The following AFDN variants were observed in gnomAD, a reference collection of about 807,000 sequenced individuals.
AFDN encodes afadin, adherens junction formation factor.
AFDN carries 68 observed loss-of-function variants against 216.6 expected under a neutral mutation model. That is an observed-to-expected ratio of 0.31 (90% confidence interval 0.26 to 0.38). The LOEUF (loss-of-function observed/expected upper bound fraction) is 0.38. Among genes scored for constraint, AFDN ranks in the 10% least tolerant of loss-of-function variants. The probability of loss-of-function intolerance (pLI) is 1.00; values close to 1 mark genes in which losing one functional copy is unlikely to be tolerated. For missense variants in AFDN, 2,136 were observed against 2,342.0 expected (o/e 0.91, Z 1.82); for synonymous variants, 868 against 853.7 (o/e 1.02, Z -0.29).
chr6:167,887,629 G>C (rs1787031640), intron 6 of AFDN, among the ~76,000 whole-genome samples: 1 of 151,690 alleles, frequency 6.6e-6, no homozygotes, highest in African/African-American at 2.4e-5. Context: ...CTAATTTTTT[G>C]TATTTTTTAG....
chr6:167,907,155 C>T lies in AFDN; in HGVS notation c.1651-16C>T, dbSNP rs766019497. 1.9e-6 allele frequency: 3 copies of T among 1,604,704 alleles called. No homozygotes were observed. Among genetic ancestry groups the T allele is most frequent in the Non-Finnish European group, 2.6e-6 (3 of 1,172,254 alleles). On this transcript the variant is annotated splice_polypyrimidine_tract_variant and intron_variant, in intron 12 of 33. Transcript: ENST00000683244. ...TGTGTGAGGTTCTAAACCCGTTGTGCTTTCTCTCCATGTAGAGCACCACTA... is the reference window on the plus strand; with the variant it reads ...TGTGTGAGGTTCTAAACCCGTTGTGTTTTCTCTCCATGTAGAGCACCACTA...
intron 6 of AFDN, among the ~76,000 whole-genome samples, chr6:167,884,990 T>G (rs1450698252): frequency 6.6e-6 from 1 of 152,216 alleles, no homozygotes. Context: ...TTGCTGCAGC[T>G]TCTCCATTAG....
intron 11 of AFDN, among the ~76,000 whole-genome samples, chr6:167,899,712 A>G (rs1045153255): frequency 6.6e-6 from 1 of 152,170 alleles, no homozygotes; most frequent in African/African-American, 2.4e-5. Flanking sequence ...GGTTTGTCCA[A>G]AGAGATTATG....
chr6:167,939,662 C>T (rs557491836), intron 23 of AFDN, among the ~76,000 whole-genome samples: 1 of 152,158 alleles, frequency 6.6e-6, no homozygotes, highest in Admixed American at 6.5e-5. Flanking sequence ...GTCGTTTAAA[C>T]AGCCAAGTTG....
At chr6:167,934,308 C>T (rs994894258) in intron 23 of AFDN, among the ~76,000 whole-genome samples, 3 of 152,170 alleles carry the variant, frequency 2.0e-5, no homozygotes, top group African/African-American at 7.2e-5. Flanking sequence ...TTACCTTGCT[C>T]ACAGCACCAA....
rs184896513 is a variant in AFDN at position 167,969,995 on chromosome 6, G to T, written c.*60G>T. ...AAATCTTTTCAGTTGTGGGTTTGTA[G>T]GTGCGAGTTTGAAGAGGAAAAGAGG... is the stretch of plus-strand genomic sequence containing the variant. On this transcript the variant is annotated 3_prime_UTR_variant, in exon 34 of 34. Coordinates refer to ENST00000683244, the MANE Select transcript of AFDN (RefSeq NM_001386888.1). 63 of 1,425,526 alleles carry T rather than the reference G, an allele frequency of 4.4e-5. No homozygotes were observed. The African/African-American group carries it at 7.3e-4, about 17-fold the overall frequency. 88.3% of individuals were successfully genotyped at this position (1,425,526 alleles called of 1,614,324 possible).
At chr6:167,949,385 GC>G (rs551269017) in intron 29 of AFDN, among the ~76,000 whole-genome samples, 332 of 152,336 alleles carry the variant, frequency 2.2e-3, no homozygotes, top group African/African-American at 7.7e-3. Flanking sequence ...ACAGTAGGCA[GC>G]GGAGAGAGGA....
In AFDN at chr6:167,911,435, T is replaced by C; in HGVS notation, c.1983T>C (p.His661=). Residue 661 remains histidine (H), a synonymous_variant, in exon 15 of 34, where the codon CAT becomes CAC. Coordinates refer to ENST00000683244, the MANE Select transcript of AFDN (RefSeq NM_001386888.1). ...RPDISPTERT[H]KVIAVVNKMV... is the part of the protein sequence containing the mutation. ...ACATCAGCCCTACAGAGCGCACACA[T>C]AAAGTCATTGCAGTCGTCAACAAGA... 2 of 1,614,098 alleles carry C rather than the reference T, an allele frequency of 1.2e-6. No individual in the cohort carries two copies. The highest frequency in any genetic ancestry group is 1.7e-6 in the Non-Finnish European group (2 of 1,180,000).
chr6:167,957,905 C>A (rs1350529930), intron 30 of AFDN, among the ~76,000 whole-genome samples: 2 of 152,180 alleles, frequency 1.3e-5, no homozygotes, highest in Non-Finnish European at 2.9e-5. Flanking sequence ...TATTCTATGG[C>A]AGAGCACAAG....
At chr6:167,913,542 C>A in intron 16 of AFDN, 119 bp downstream of exon 16, 2 of 897,460 alleles carry the variant, frequency 2.2e-6, no homozygotes, top group Non-Finnish European at 3.4e-6. Context: ...ACTCATTCAG[C>A]AACTGAGACA....
At chr6:167,961,203 C>G (rs1797002764) in intron 30 of AFDN, among the ~76,000 whole-genome samples, 1 of 152,234 alleles carries the variant, frequency 6.6e-6, no homozygotes, top group South Asian at 2.1e-4. Context: ...TAAGGGATTC[C>G]TGCAGTGGTT....
At chr6:167,876,312 C>T (rs145016529) in intron 5 of AFDN, among the ~76,000 whole-genome samples, 111 of 152,230 alleles carry the variant, frequency 7.3e-4, no homozygotes, top group African/African-American at 2.5e-3. Context: ...TCAGAGAGTA[C>T]GGGACTTCTT....
chr6:167,922,111 A>AC (rs1441596900), intron 21 of AFDN, among the ~76,000 whole-genome samples: 9 of 152,354 alleles, frequency 5.9e-5, no homozygotes, highest in African/African-American at 2.2e-4. Context: ...GAGAAAATGT[A>AC]CCGAGGATTG....
chr6:167,875,007 T>C (rs1785192830), intron 4 of AFDN, among the ~76,000 whole-genome samples: 1 of 152,210 alleles, frequency 6.6e-6, no homozygotes, highest in Admixed American at 6.5e-5. Flanking sequence ...GGTAAAATAT[T>C]GGTCTGTTTT....
At chr6:167,906,928 A>G (rs756252400) in intron 12 of AFDN, among the ~76,000 whole-genome samples, 10 of 152,242 alleles carry the variant, frequency 6.6e-5, no homozygotes, top group Non-Finnish European at 1.5e-4. Flanking sequence ...CCTGTGTTTT[A>G]AAGGCAACTC....
chr6:167,897,010 C>A, intron 10 of AFDN, 38 bp downstream of exon 10: 1 of 1,208,772 alleles, frequency 8.3e-7, no homozygotes, highest in Non-Finnish European at 1.2e-6. Flanking sequence ...CTCTGACATT[C>A]CAGGAGGCAT....
intron 1 of AFDN, among the ~76,000 whole-genome samples, chr6:167,831,130 C>T (rs1052434228): frequency 2.0e-5 from 3 of 151,636 alleles, no homozygotes; most frequent in African/African-American, 7.3e-5. Flanking sequence ...TTAGTAGAGA[C>T]GGGGTTTTGC....
chr6:167,834,846 G>A (rs1780244730), intron 1 of AFDN, among the ~76,000 whole-genome samples: 1 of 152,042 alleles, frequency 6.6e-6, no homozygotes, highest in Non-Finnish European at 1.5e-5. Flanking sequence ...AACAAGCAGG[G>A]TGGCACATAC....
At chr6:167,832,339 C>T (rs1779924722) in intron 1 of AFDN, among the ~76,000 whole-genome samples, 1 of 152,100 alleles carries the variant, frequency 6.6e-6, no homozygotes, top group African/African-American at 2.4e-5. Flanking sequence ...TGTGCGTGTT[C>T]TAAGAATTGT....
Sources: allele counts gnomAD v4.1 joint callset (sites outside exome capture counted in the v4.1 genomes callset), GRCh38; gene constraint gnomAD v4.1.1; transcripts MANE v1.5; gene names NCBI Gene and HGNC (gene_info 2026-07-23, HGNC 2026-07-21).